Variants in EIF4G2 observed in about 807,000 individuals in gnomAD.
The protein encoded by EIF4G2 is DAP-5.
A neutral mutation model predicts 117.7 loss-of-function variants in EIF4G2; 8 were observed. The observed-to-expected ratio is 0.07, with a 90% CI of 0.04 to 0.12. EIF4G2 has a LOEUF of 0.12. EIF4G2 is among the 10% of genes least tolerant of loss of function. EIF4G2 has a pLI of 1.00. For missense variants in EIF4G2, 812 were observed against 1,086.2 expected, an observed-to-expected ratio of 0.75 and a Z score of 3.55; for synonymous variants, 413 against 367.8, an observed-to-expected ratio of 1.12 and a Z score of -1.41.
chr11:10,805,673 A>C (rs1564984811), intron 4 of EIF4G2, among the ~76,000 whole-genome samples: 1 of 152,014 alleles, frequency 6.6e-6, no homozygotes, highest in African/African-American at 2.4e-5. Flanking sequence ...GGCTGGTCTC[A>C]AACTCCTGAC....
chr11:10,804,257 T>C (rs762156905), intron 6 of EIF4G2, 30 bp downstream of exon 6: 9 of 1,613,082 alleles, frequency 5.6e-6, no homozygotes, highest in Non-Finnish European at 7.6e-6. Context: ...AAGTCAACTT[T>C]AAAACAAGCA....
chr11:10,802,259 T>G, intron 12 of EIF4G2, 35 bp downstream of exon 12: 1 of 1,611,292 alleles, frequency 6.2e-7, no homozygotes, highest in Non-Finnish European at 8.5e-7. Flanking sequence ...AACTGATTTT[T>G]CAGCTTAACG....
rs1847473877 is a variant in EIF4G2 at position 10,803,104 on chromosome 11, G to A, written c.922C>T (p.His308Tyr). The A allele has an allele frequency of 6.2e-7, 1 of 1,610,568 alleles. No individual in the cohort carries two copies. Among genetic ancestry groups the A allele is most frequent in the South Asian group, 1.1e-5 (1 of 90,372 alleles). The change falls in exon 11 of 22, where the codon CAT becomes TAT. Residue 308 changes from histidine (H) to tyrosine (Y), a missense_variant. His to Tyr is a moderately conservative substitution (Grantham distance 83). Coordinates refer to ENST00000339995, the MANE Select transcript of EIF4G2 (RefSeq NM_001418.4). This position sits in a 1 kb window ranked among gnomAD's most constrained non-coding sequence, Gnocchi z 4.0. Reference sequence around the variant, plus strand: ...AGAAAAGCCTTGCGAGGAACCCAATGGTGTTCTCGCAACTCTACGGTATCC... The same window carrying A: ...AGAAAAGCCTTGCGAGGAACCCAATAGTGTTCTCGCAACTCTACGGTATCC...
At chr11:10,802,986 A>G in intron 11 of EIF4G2, 44 bp downstream of exon 11, 1 of 1,567,264 alleles carries the variant, frequency 6.4e-7, no homozygotes, top group Non-Finnish European at 8.7e-7. Context: ...TCTATTCTAC[A>G]CACACAGAGT....
chr11:10,808,449 C>A (rs964275784), intron 1 of EIF4G2: 13 of 1,262,146 alleles, frequency 1.0e-5, no homozygotes, highest in East Asian at 7.2e-5. Flanking sequence ...CTCGTCCCTG[C>A]AGGCGTCGGC....
intron 4 of EIF4G2, 77 bp downstream of exon 4, chr11:10,805,830 T>C: frequency 1.3e-6 from 2 of 1,598,222 alleles, no homozygotes; most frequent in Non-Finnish European, 1.7e-6. Flanking sequence ...CCTTGCCTTC[T>C]TAGTAATACA....
chr11:10,800,405 T>C, intron 17 of EIF4G2, 27 bp downstream of exon 17: 1 of 1,613,572 alleles, frequency 6.2e-7, no homozygotes, highest in Non-Finnish European at 8.5e-7. Flanking sequence ...TAAGAGTTCT[T>C]ACCACACAAT....
chr11:10,808,375 C>G (rs1202000790), intron 1 of EIF4G2: 1 of 1,229,470 alleles, frequency 8.1e-7, no homozygotes, highest in Non-Finnish European at 1.0e-6. Context: ...CCCGCCACGG[C>G]GCTAGCGGTC....
chr11:10,798,386 GTATT>G (rs913691698), intron 21 of EIF4G2, among the ~76,000 whole-genome samples: 1 of 152,076 alleles, frequency 6.6e-6, no homozygotes, highest in African/African-American at 2.4e-5. Flanking sequence ...AAAATATATA[GTATT>G]TAAACTTTTT....
rs377019868 is a variant in EIF4G2 at position 10,799,392 on chromosome 11, G to A, written c.2357C>T (p.Pro786Leu). The A allele has an allele frequency of 3.7e-6, 6 of 1,611,824 alleles. No homozygotes were observed. The highest frequency in any genetic ancestry group is 4.2e-6 in the Non-Finnish European group (5 of 1,180,030). The change falls in exon 20 of 22, where the codon CCC (proline) becomes CTC (leucine). Residue 786 changes from proline to leucine, a missense_variant. This residue lies in a region of EIF4G2 where 571 missense variants were observed against 642.3 expected (regional missense o/e 0.89). Coordinates refer to ENST00000339995, the MANE Select transcript of EIF4G2 (RefSeq NM_001418.4). ...GGATGAATCTGTTTCATCGCTGGGGGGGTTTACTTCACTAGAAATGTACTG... is the reference window on the plus strand; with the variant it reads ...GGATGAATCTGTTTCATCGCTGGGGAGGTTTACTTCACTAGAAATGTACTG...
Position 10,803,346 on chromosome 11 carries a change from T to C in EIF4G2, c.814-52A>G, listed in dbSNP as rs1847479600. ...GAAGAGCTAAAGCAAATGTGTTCAA[T>C]TTACAGCTTTAAGACTTCTAAAATT... On this transcript the variant is annotated intron_variant, in intron 9 of 21. Coordinates refer to ENST00000339995, the MANE Select transcript of EIF4G2 (RefSeq NM_001418.4). The surrounding 1 kb of genome is among the most constrained non-coding windows in gnomAD (Gnocchi z 4.0). The C allele has an allele frequency of 6.3e-7, 1 of 1,594,406 alleles. No individual in the cohort carries two copies. Among genetic ancestry groups the C allele is most frequent in the South Asian group, 1.1e-5 (1 of 89,408 alleles).
At chr11:10,806,745 T>C in intron 3 of EIF4G2, 75 bp downstream of exon 3, 1 of 1,535,622 alleles carries the variant, frequency 6.5e-7, no homozygotes. Context: ...GCTATTGCCT[T>C]AATTATACCG....
At chr11:10,807,618 G>A in intron 1 of EIF4G2, 1 of 1,118,570 alleles carries the variant, frequency 8.9e-7, no homozygotes, top group Non-Finnish European at 1.1e-6. Context: ...AAACGGCTCA[G>A]AACGAATCTT....
At chr11:10,804,642 A>C in intron 5 of EIF4G2, 1 of 630,348 alleles carries the variant, frequency 1.6e-6, no homozygotes, top group Non-Finnish European at 2.6e-6. Context: ...TCCAAGACCT[A>C]AATACGGTGT....
At chr11:10,806,686 T>A (rs1015018075) in intron 3 of EIF4G2, 134 bp downstream of exon 3, 2 of 912,096 alleles carry the variant, frequency 2.2e-6, no homozygotes, top group African/African-American at 1.6e-5. Context: ...TATTCTGTAT[T>A]TAGGATACCC....
At chr11:10,798,878 CA>C in intron 21 of EIF4G2, 113 bp downstream of exon 21, 1 of 1,277,528 alleles carries the variant, frequency 7.8e-7, no homozygotes, top group Non-Finnish European at 1.1e-6. Flanking sequence ...CAGGTGAAGA[CA>C]AACTACTAAC....
Position 10,798,980 on chromosome 11 carries a change from C to G in EIF4G2, c.2658+12G>C, listed in dbSNP as rs768680911. The G allele has an allele frequency of 6.3e-7, 1 of 1,585,988 alleles. No homozygotes were observed. Among genetic ancestry groups the G allele is most frequent in the East Asian group, 2.2e-5 (1 of 44,732 alleles). On this transcript the variant is annotated intron_variant, in intron 21 of 21. Transcript: ENST00000339995. ...TGAAGTAAGCAGACCAAATTTTTAA[C>G]AAAAGACTTACCTGGAACAAAGCCT...
chr11:10,803,794 G>A lies in EIF4G2; in HGVS notation c.702+105C>T, dbSNP rs1319811422. On this transcript the variant is annotated intron_variant, in intron 8 of 21. Coordinates refer to ENST00000339995, the MANE Select transcript of EIF4G2 (RefSeq NM_001418.4). The surrounding 1 kb of genome is among the most constrained non-coding windows in gnomAD (Gnocchi z 4.0). ...CAAATTATTCTGTTTAGTAAATTTT[G>A]TTGCACATCTGTATTTAACTAGTCA... 1.4e-6 allele frequency: 2 copies of A among 1,388,500 alleles called. No homozygotes were observed. The highest frequency in any genetic ancestry group is 2.0e-6 in the Non-Finnish European group (2 of 1,016,860). The allele number at this position is 1,388,500 out of a possible 1,614,324, so 86.0% of individuals were successfully genotyped here.
chr11:10,808,241 G>A, intron 1 of EIF4G2: 1 of 1,149,186 alleles, frequency 8.7e-7, no homozygotes, highest in Non-Finnish European at 1.1e-6. Context: ...CCTCCCCGAC[G>A]AAGGGCAGCC....
Sources: gnomAD v4.1 joint callset for allele counts (sites outside exome capture counted in the v4.1 genomes callset) on GRCh38, gnomAD v4.1.1 for gene constraint, gnomAD v4.1.1 regional missense constraint, Gnocchi (gnomAD v3.1) non-coding constraint, MANE v1.5 for transcripts, NCBI Gene and HGNC (gene_info 2026-07-23, HGNC 2026-07-21) for gene names.